Variants in MAP4K4 observed in about 807,000 individuals in gnomAD.
The protein encoded by MAP4K4 is HPK/GCK-like kinase HGK.
A neutral mutation model predicts 189.6 loss-of-function variants in MAP4K4; 38 were observed. The observed-to-expected ratio is 0.20, with a 90% CI of 0.15 to 0.26. The LOEUF (loss-of-function observed/expected upper bound fraction) is 0.26. Among genes scored for constraint, MAP4K4 ranks in the 10% least tolerant of loss-of-function variants. The pLI, the probability that MAP4K4 is intolerant of heterozygous loss-of-function variation, is 1.00. For missense variants in MAP4K4, 1,054 were observed against 1,726.9 expected (o/e 0.61, Z 6.91); for synonymous variants, 610 against 624.3 (o/e 0.98, Z 0.34).
intron 2 of MAP4K4, among the ~76,000 whole-genome samples, chr2:101,710,579 T>C (rs1263989378): frequency 6.6e-6 from 1 of 152,202 alleles, no homozygotes; most frequent in Non-Finnish European, 1.5e-5. Flanking sequence ...CTTATGCCCT[T>C]GTGTAGCGTA....
chr2:101,775,418 A>G (rs900374199), intron 2 of MAP4K4, among the ~76,000 whole-genome samples: 1 of 151,468 alleles, frequency 6.6e-6, no homozygotes, highest in East Asian at 1.9e-4. Flanking sequence ...CTTGCCAGGA[A>G]CCCTTCTTAA....
intron 2 of MAP4K4, among the ~76,000 whole-genome samples, chr2:101,749,047 G>A: frequency 6.9e-6 from 1 of 145,004 alleles, no homozygotes; most frequent in African/African-American, 2.5e-5. Context: ...ATGCTCATGG[G>A]TAGGAAGAAT....
At chr2:101,786,702 T>C (rs2091378076) in intron 2 of MAP4K4, among the ~76,000 whole-genome samples, 1 of 152,170 alleles carries the variant, frequency 6.6e-6, no homozygotes, top group Non-Finnish European at 1.5e-5. Context: ...ATAAAATCAC[T>C]GTGGAAGGGG....
intron 2 of MAP4K4, among the ~76,000 whole-genome samples, chr2:101,763,265 G>A (rs975383335): frequency 3.3e-5 from 5 of 152,220 alleles, no homozygotes; most frequent in African/African-American, 1.2e-4. Flanking sequence ...ACCAGCCAGT[G>A]GATAAAGGCG....
At chr2:101,707,816 G>A (rs1397924037) in intron 2 of MAP4K4, among the ~76,000 whole-genome samples, 2 of 150,996 alleles carry the variant, frequency 1.3e-5, no homozygotes, top group African/African-American at 4.9e-5. Flanking sequence ...TCAGCTTCCC[G>A]GTTAGATGGG....
chr2:101,711,172 C>G (rs774251437), intron 2 of MAP4K4, among the ~76,000 whole-genome samples: 4 of 152,174 alleles, frequency 2.6e-5, no homozygotes, highest in African/African-American at 9.7e-5. Flanking sequence ...AGCTGCTGGT[C>G]CCCACGACGT....
chr2:101,788,886 A>G (rs1196584350), intron 2 of MAP4K4, among the ~76,000 whole-genome samples: 2 of 152,130 alleles, frequency 1.3e-5, no homozygotes, highest in Non-Finnish European at 1.5e-5. Flanking sequence ...AAGAAAAAAA[A>G]AGATCCTACT....
rs754030482 is a variant in MAP4K4 at position 101,870,546 on chromosome 2, T to C, written c.2760+131T>C. ...TGTTAACAAGTCCCAGAGGGTCAAG[T>C]GTCGAGTGTCGGGGGCTAGGGAGGC... is the stretch of plus-strand genomic sequence containing the variant. On this transcript the variant is annotated intron_variant, in intron 23 of 32. Transcript: ENST00000324219. 5.9e-4 allele frequency: 761 copies of C among 1,298,736 alleles called. 1 individual carries two copies. Among genetic ancestry groups the C allele is most frequent in the Middle Eastern group, 1.1e-3 (4 of 3,648 alleles). The allele number at this position is 1,298,736 out of a possible 1,614,324, so 80.5% of individuals were successfully genotyped here.
At chr2:101,757,449 A>G (rs1203557294) in intron 2 of MAP4K4, among the ~76,000 whole-genome samples, 1 of 152,234 alleles carries the variant, frequency 6.6e-6, no homozygotes, top group African/African-American at 2.4e-5. Flanking sequence ...TAGCTCACAA[A>G]TGGTAGAAGT....
intron 27 of MAP4K4, among the ~76,000 whole-genome samples, chr2:101,879,184 G>C (rs1395181501): frequency 9.5e-6 from 1 of 105,066 alleles, no homozygotes; most frequent in Non-Finnish European, 1.7e-5. Flanking sequence ...GACAGAGTGA[G>C]AGCCTGTCTC....
intron 23 of MAP4K4, chr2:101,870,635 A>G: frequency 1.9e-6 from 1 of 537,762 alleles, no homozygotes; most frequent in Non-Finnish European, 3.3e-6. Flanking sequence ...GCTCCTCTGC[A>G]TGTCTGCGGC....
In MAP4K4 at chr2:101,810,589, A is replaced by G. The variant is rs190300068; in HGVS notation, c.181-13339A>G. 3.7e-3 allele frequency among the ~76,000 whole-genome samples: 565 copies of G among 152,222 alleles called. 2 individuals are homozygous for G. Among genetic ancestry groups the G allele is most frequent in the Non-Finnish European group, 6.4e-3 (436 of 68,004 alleles). On this transcript the variant is annotated intron_variant, in intron 3 of 32. Coordinates refer to ENST00000324219, the Ensembl canonical transcript of MAP4K4. ...GGTTTTATGATTTTCCCCCCCAAGTAATTAGAGATGTCTTCAGTGAAATTT... is the reference window on the plus strand; with the variant it reads ...GGTTTTATGATTTTCCCCCCCAAGTGATTAGAGATGTCTTCAGTGAAATTT...
intron 3 of MAP4K4, chr2:101,797,195 G>A: frequency 7.9e-7 from 1 of 1,272,000 alleles, no homozygotes; most frequent in Non-Finnish European, 1.0e-6. Context: ...ACAAAAGGAA[G>A]GGAAGGAGAG....
exon 12 of MAP4K4, chr2:101,844,233 A>G: frequency 6.3e-7 from 1 of 1,592,186 alleles, no homozygotes; most frequent in Non-Finnish European, 8.6e-7. Flanking sequence ...GGGAGCAGGA[A>G]GAATATAAAA....
At chr2:101,866,630 C>G (rs2097824471) in intron 19 of MAP4K4, 51 bp downstream of exon 19, 1 of 1,585,622 alleles carries the variant, frequency 6.3e-7, no homozygotes, top group African/African-American at 1.3e-5. Flanking sequence ...GAGCTGTGAT[C>G]CATATCTTGG....
chr2:101,698,565 C>T (rs745589118), intron 2 of MAP4K4, 27 bp downstream of exon 2: 2 of 1,607,740 alleles, frequency 1.2e-6, no homozygotes, highest in Admixed American at 1.7e-5. Context: ...TCTTTGTTTC[C>T]CGTGGCATGT....
intron 12 of MAP4K4, among the ~76,000 whole-genome samples, chr2:101,852,702 A>G (rs2097325248): frequency 6.6e-6 from 1 of 152,188 alleles, no homozygotes; most frequent in African/African-American, 2.4e-5. Flanking sequence ...CATTATATGT[A>G]CATATATACA....
chr2:101,853,873 A>G (rs1340598455), intron 12 of MAP4K4, among the ~76,000 whole-genome samples: 1 of 152,204 alleles, frequency 6.6e-6, no homozygotes. Flanking sequence ...TAGGAGCAAC[A>G]TCAGAAACTA....
At chr2:101,793,619 A>G (rs2093303654) in intron 3 of MAP4K4, among the ~76,000 whole-genome samples, 2 of 151,358 alleles carry the variant, frequency 1.3e-5, no homozygotes, top group Admixed American at 6.6e-5. Flanking sequence ...CAGGAGCAAA[A>G]AGGTGCAAAT....
Sources: gnomAD v4.1 joint callset for allele counts (sites outside exome capture counted in the v4.1 genomes callset) on GRCh38, gnomAD v4.1.1 for gene constraint, MANE v1.5 for transcripts, NCBI Gene and HGNC (gene_info 2026-07-23, HGNC 2026-07-21) for gene names.